SSBP2: variants seen among roughly 807,000 people sequenced by gnomAD.
The protein encoded by SSBP2 is single-stranded DNA-binding protein 2.
Under a neutral mutation model 61.8 loss-of-function variants are expected in SSBP2, and 17 were observed. The ratio of observed to expected loss-of-function variants is 0.28; its 90% CI spans 0.19 to 0.41. The LOEUF (loss-of-function observed/expected upper bound fraction) is 0.41, where lower values mean the gene tolerates loss of function less well. Among genes scored for constraint, SSBP2 ranks in the 10% least tolerant of loss-of-function variants. The pLI is 1.00. For synonymous variants in SSBP2, 139 were observed against 141.3 expected, an observed-to-expected ratio of 0.98 and a Z score of 0.12; for missense variants, 310 against 458.7, an observed-to-expected ratio of 0.68 and a Z score of 2.96.
chr5:81,743,724 A>G (rs1212775478), intron 1 of SSBP2, among the ~76,000 whole-genome samples: 1 of 152,230 alleles, frequency 6.6e-6, no homozygotes, highest in Non-Finnish European at 1.5e-5. Flanking sequence ...AGCAACTTCA[A>G]TAAAAAGTTT....
At chr5:81,549,437 C>G (rs1479510611) in intron 4 of SSBP2, among the ~76,000 whole-genome samples, 1 of 152,210 alleles carries the variant, frequency 6.6e-6, no homozygotes, top group Non-Finnish European at 1.5e-5. Flanking sequence ...CGCCCTGAAT[C>G]CAAATTGCGT....
chr5:81,514,750 A>G (rs1768882884), intron 4 of SSBP2, among the ~76,000 whole-genome samples: 1 of 152,016 alleles, frequency 6.6e-6, no homozygotes, highest in Non-Finnish European at 1.5e-5. Context: ...GTATGTTTGT[A>G]GCACACATTT....
In SSBP2 at chr5:81,713,266, C is replaced by T. The variant is rs939827785; in HGVS notation, c.62+37715G>A. Among the ~76,000 whole-genome samples, 4 of 151,912 alleles carry T rather than the reference C, an allele frequency of 2.6e-5. No homozygotes were observed. The East Asian group carries it at 7.7e-4, about 29-fold the overall frequency. On this transcript the variant is annotated intron_variant, in intron 1 of 16. Transcript: ENST00000320672. ...ACAAACAGGAGGATTAAAAAAAAATCTGTTTAAAAATCTGTAAGATTCCAA... is the reference window on the plus strand; with the variant it reads ...ACAAACAGGAGGATTAAAAAAAAATTTGTTTAAAAATCTGTAAGATTCCAA...
At chr5:81,498,914 T>C (rs1342111060) in intron 5 of SSBP2, among the ~76,000 whole-genome samples, 1 of 152,160 alleles carries the variant, frequency 6.6e-6, no homozygotes, top group Admixed American at 6.5e-5. Context: ...AGATACTTCA[T>C]ACATTTTCTG....
At chr5:81,594,414 T>C (rs1743486362) in intron 4 of SSBP2, among the ~76,000 whole-genome samples, 1 of 152,114 alleles carries the variant, frequency 6.6e-6, no homozygotes, top group Non-Finnish European at 1.5e-5. Flanking sequence ...CACCCCACTG[T>C]CAACATTAGA....
chr5:81,580,701 T>C (rs1774573998), intron 4 of SSBP2, among the ~76,000 whole-genome samples: 1 of 149,860 alleles, frequency 6.7e-6, no homozygotes, highest in South Asian at 2.1e-4. Flanking sequence ...AAGGTACTTA[T>C]AAGGGAAAAC....
intron 1 of SSBP2, among the ~76,000 whole-genome samples, chr5:81,664,577 T>A (rs1561669201): frequency 6.6e-6 from 1 of 151,984 alleles, no homozygotes; most frequent in Non-Finnish European, 1.5e-5. Context: ...AGGAAAAAAG[T>A]TTTAAGATCT....
chr5:81,446,986 C>G (rs1230175697), intron 11 of SSBP2, 64 bp from the exon 12 acceptor site: 3 of 1,194,078 alleles, frequency 2.5e-6, no homozygotes, highest in Non-Finnish European at 3.5e-6. Context: ...AGAAGTTAGA[C>G]TTATATCTAT....
chr5:81,554,822 T>C (rs931299181), intron 4 of SSBP2, among the ~76,000 whole-genome samples: 4 of 152,120 alleles, frequency 2.6e-5, no homozygotes, highest in African/African-American at 7.2e-5. Context: ...CCATTCATGA[T>C]GATAATTTAA....
chr5:81,513,739 C>T (rs376571321), intron 4 of SSBP2, 22 bp from the exon 5 acceptor site: 22 of 1,534,230 alleles, frequency 1.4e-5, no homozygotes, highest in Non-Finnish European at 1.9e-5. Flanking sequence ...AAAGGAGAAA[C>T]AAACCTATAT....
At chr5:81,440,689 T>C in intron 13 of SSBP2, 53 bp from the exon 14 acceptor site, 1 of 1,313,242 alleles carries the variant, frequency 7.6e-7, no homozygotes, top group East Asian at 2.3e-5. Flanking sequence ...CAATGGCTTA[T>C]CTCAATTTTA....
intron 1 of SSBP2, among the ~76,000 whole-genome samples, chr5:81,725,025 AG>A (rs1373491604): frequency 2.0e-5 from 3 of 152,300 alleles, no homozygotes; most frequent in Admixed American, 6.5e-5. Flanking sequence ...GTGTGAACAC[AG>A]GTAAGGTCTC....
chr5:81,476,114 C>A (rs1042053857), intron 6 of SSBP2, among the ~76,000 whole-genome samples: 1 of 151,928 alleles, frequency 6.6e-6, no homozygotes, highest in African/African-American at 2.4e-5. Context: ...TATCATAAAT[C>A]TTTTTCAGAA....
In SSBP2 at chr5:81,710,617, ACAAGC is replaced by A. The variant is rs1754711138; in HGVS notation, c.62+40359_62+40363del. 5 of 443,462 alleles carry A rather than the reference ACAAGC, an allele frequency of 1.1e-5. No individual in the cohort carries two copies. In the East Asian group the frequency reaches 3.5e-4, roughly 31 times the overall value. The allele number at this position is 443,462 out of a possible 1,614,324, so 27.5% of individuals were successfully genotyped here. On this transcript the variant is annotated intron_variant, in intron 1 of 16. Transcript: ENST00000320672. ...ACTGAAAACAACTTATTCTTAACTG[ACAAGC>A]ACAAACCTACAAATAGGAAACTAAA...
intron 1 of SSBP2, among the ~76,000 whole-genome samples, chr5:81,722,399 T>TTG (rs1357800431): frequency 3.3e-5 from 5 of 150,332 alleles, no homozygotes; most frequent in Non-Finnish European, 7.4e-5. Flanking sequence ...ATAATTTTGT[T>TTG]TTTTTTTTTT....
At chr5:81,501,631 G>T (rs1389102206) in intron 5 of SSBP2, among the ~76,000 whole-genome samples, 1 of 138,100 alleles carries the variant, frequency 7.2e-6, no homozygotes, top group African/African-American at 2.7e-5. Flanking sequence ...GGCGTGATCT[G>T]GGCTCACTGC....
At chr5:81,467,109 G>A in intron 8 of SSBP2, 44 bp from the exon 9 acceptor site, 1 of 1,303,202 alleles carries the variant, frequency 7.7e-7, no homozygotes, top group Non-Finnish European at 1.1e-6. Flanking sequence ...AGGGGGGAAA[G>A]AAAGGAGAGC....
At chr5:81,737,769 C>CA (rs1756720304) in intron 1 of SSBP2, among the ~76,000 whole-genome samples, 1 of 133,530 alleles carries the variant, frequency 7.5e-6, no homozygotes, top group Non-Finnish European at 1.6e-5. Flanking sequence ...GCCTGGGCAA[C>CA]AGAGTGAGAC....
At chr5:81,453,537 G>A (rs1411300725) in intron 10 of SSBP2, among the ~76,000 whole-genome samples, 4 of 150,526 alleles carry the variant, frequency 2.7e-5, no homozygotes, top group Admixed American at 2.0e-4. Flanking sequence ...GCTCACTGCA[G>A]GCTCCGCCCC....
Sources: allele counts gnomAD v4.1 joint callset (sites outside exome capture counted in the v4.1 genomes callset), GRCh38; gene constraint gnomAD v4.1.1; transcripts MANE v1.5; gene names NCBI Gene and HGNC (gene_info 2026-07-23, HGNC 2026-07-21).